Variants in RBFOX1 observed in about 807,000 individuals in gnomAD.
RBFOX1 encodes RNA binding fox-1 homolog 1, also known as RNA binding protein fox-1 homolog 1.
RBFOX1 carries 8 observed loss-of-function variants against 57.7 expected under a neutral mutation model. The ratio of observed to expected loss-of-function variants is 0.14; its 90% CI spans 0.08 to 0.25. RBFOX1 has a LOEUF of 0.25. Among genes scored for constraint, RBFOX1 ranks in the 10% least tolerant of loss-of-function variants. The pLI is 1.00. For missense variants in RBFOX1, 611 were observed against 548.5 expected (o/e 1.11, Z -1.14); for synonymous variants, 326 against 222.4 (o/e 1.47, Z -4.15).
chr16:6,935,118 C>T (rs950377742), intron 3 of RBFOX1, among the ~76,000 whole-genome samples: 1 of 152,020 alleles, frequency 6.6e-6, no homozygotes, highest in African/African-American at 2.4e-5. Flanking sequence ...GAAAAAACAG[C>T]TTATTTAACC....
At chr16:6,884,601 C>T (rs4786944) in intron 3 of RBFOX1, among the ~76,000 whole-genome samples, 149,241 of 152,248 alleles carry the variant, frequency 0.98, 73,174 homozygotes, top group East Asian at 1. Context: ...GATTAAAAAA[C>T]AAAAAAAACT....
intron 5 of RBFOX1, among the ~76,000 whole-genome samples, chr16:7,528,283 C>T (rs2079156194): frequency 1.3e-5 from 2 of 152,122 alleles, no homozygotes; most frequent in Admixed American, 6.5e-5. Context: ...TTATTCACAC[C>T]TGTATTTATT....
intron 2 of RBFOX1, among the ~76,000 whole-genome samples, chr16:6,609,554 G>A (rs2154023092): frequency 6.6e-6 from 1 of 152,110 alleles, no homozygotes; most frequent in South Asian, 2.1e-4. Context: ...ACATTGCCCA[G>A]GCTGGTATGA....
At chr16:7,029,063 TATATATATATATATATATAC>T (rs1256821732) in intron 3 of RBFOX1, among the ~76,000 whole-genome samples, 3 of 32,662 alleles carry the variant, frequency 9.2e-5, no homozygotes, top group East Asian at 1.3e-3. Flanking sequence ...TATATATATA[TATATATATATATATATATAC>T]ACACACACAC....
rs1368554215 is a variant in RBFOX1 at position 7,243,223 on chromosome 16, C to G, written c.27+191125C>G. On this transcript the variant is annotated intron_variant, in intron 4 of 15. Transcript: ENST00000550418. ...CTCTTGCTACGTGCCAACAACTACT[C>G]CAAGCACTTGGCATGAATGTACCAC... 2.0e-5 allele frequency among the ~76,000 whole-genome samples: 3 copies of G among 152,128 alleles called. No individual in the cohort carries two copies. The East Asian group carries it at 5.8e-4, about 29-fold the overall frequency.
chr16:5,770,349 G>A (rs2151673709), intron 3 of RBFOX1, among the ~76,000 whole-genome samples: 1 of 152,154 alleles, frequency 6.6e-6, no homozygotes, highest in South Asian at 2.1e-4. Flanking sequence ...ATTAGCATAA[G>A]CCGTTCCCAT....
intron 3 of RBFOX1, among the ~76,000 whole-genome samples, chr16:5,654,970 C>T (rs2049377731): frequency 6.6e-6 from 1 of 152,140 alleles, no homozygotes; most frequent in Admixed American, 6.6e-5. Flanking sequence ...AGAGGCTCTC[C>T]TGCTTTGGAT....
At chr16:7,217,435 A>G (rs2092294222) in intron 4 of RBFOX1, among the ~76,000 whole-genome samples, 1 of 151,418 alleles carries the variant, frequency 6.6e-6, no homozygotes, top group Non-Finnish European at 1.5e-5. Flanking sequence ...AGCCAGGAAA[A>G]CTACAGCAGG....
intron 1 of RBFOX1, among the ~76,000 whole-genome samples, chr16:6,105,514 A>T (rs2096367620): frequency 6.6e-6 from 1 of 152,206 alleles, no homozygotes; most frequent in Non-Finnish European, 1.5e-5. Flanking sequence ...GATGCAAGCA[A>T]AGCAAAGACA....
intron 4 of RBFOX1, among the ~76,000 whole-genome samples, chr16:7,108,034 T>C (rs1363256740): frequency 6.6e-6 from 1 of 150,756 alleles, no homozygotes; most frequent in Non-Finnish European, 1.5e-5. Flanking sequence ...GGGGAGAGGG[T>C]AGAGAGGTGA....
At chr16:6,345,940 C>G (rs1034469482) in intron 2 of RBFOX1, among the ~76,000 whole-genome samples, 9 of 152,218 alleles carry the variant, frequency 5.9e-5, no homozygotes, top group East Asian at 3.9e-4. Context: ...CAACTCGAAA[C>G]AAAGGCAGGA....
intron 4 of RBFOX1, among the ~76,000 whole-genome samples, chr16:7,211,527 C>T (rs918714263): frequency 2.6e-5 from 4 of 151,946 alleles, no homozygotes; most frequent in Non-Finnish European, 5.9e-5. Context: ...ATTAAAAACT[C>T]CAAGGAGTAT....
At chr16:5,955,881 G>A (rs980902946) in intron 4 of RBFOX1, among the ~76,000 whole-genome samples, 4 of 152,242 alleles carry the variant, frequency 2.6e-5, no homozygotes, top group African/African-American at 2.4e-5. Flanking sequence ...GGAAGATAAC[G>A]GGTCCAATGC....
chr16:6,605,651 C>T (rs974057433), intron 2 of RBFOX1, among the ~76,000 whole-genome samples: 1 of 152,138 alleles, frequency 6.6e-6, no homozygotes, highest in Non-Finnish European at 1.5e-5. Flanking sequence ...GTTCATTGTT[C>T]CAGAAATATT....
intron 2 of RBFOX1, among the ~76,000 whole-genome samples, chr16:6,470,971 C>G (rs984445639): frequency 6.6e-6 from 1 of 152,194 alleles, no homozygotes; most frequent in Non-Finnish European, 1.5e-5. Flanking sequence ...CTTCCAGAGG[C>G]TCTTCCTGCT....
intron 1 of RBFOX1, among the ~76,000 whole-genome samples, chr16:5,425,346 C>T (rs529058544): frequency 1.3e-5 from 2 of 152,028 alleles, no homozygotes; most frequent in African/African-American, 4.8e-5. Flanking sequence ...CCTCATGATC[C>T]GCCCACCTTG....
intron 3 of RBFOX1, among the ~76,000 whole-genome samples, chr16:7,045,088 A>C (rs1475916422): frequency 6.6e-6 from 1 of 152,134 alleles, no homozygotes; most frequent in Non-Finnish European, 1.5e-5. Flanking sequence ...ATGGATCTGC[A>C]TTCGATGATC....
At chr16:6,802,649 C>G (rs1431548559) in intron 3 of RBFOX1, among the ~76,000 whole-genome samples, 1 of 152,176 alleles carries the variant, frequency 6.6e-6, no homozygotes, top group Non-Finnish European at 1.5e-5. Context: ...TGTACTCCAG[C>G]CTGGGTGGCA....
chr16:6,029,576 A>G lies in RBFOX1; in HGVS notation c.-127+9584A>G, dbSNP rs111989692. On this transcript the variant is annotated intron_variant, in intron 1 of 15. Coordinates refer to ENST00000550418, the MANE Select transcript of RBFOX1 (RefSeq NM_018723.4). ...ATCACGAGGTCAGGAGATCGAGACC[A>G]TCCTGGCTAACATGGTGAAACCCCG... Among the ~76,000 whole-genome samples, 591 of 151,306 alleles carry G rather than the reference A, an allele frequency of 3.9e-3. 4 individuals are homozygous for G. Among genetic ancestry groups the G allele is most frequent in the African/African-American group, 0.014 (566 of 41,192 alleles).
Sources: gnomAD v4.1 joint callset for allele counts (sites outside exome capture counted in the v4.1 genomes callset) on GRCh38, gnomAD v4.1.1 for gene constraint, MANE v1.5 for transcripts, NCBI Gene and HGNC (gene_info 2026-07-23, HGNC 2026-07-21) for gene names.